Variants in KIF26A observed in about 807,000 individuals in gnomAD.
KIF26A encodes the protein kinesin-like protein KIF26A.
In KIF26A, 74 loss-of-function variants were observed where a neutral mutation model predicts 126.0. The observed-to-expected ratio is 0.59, with a 90% confidence interval of 0.49 to 0.71. KIF26A has a LOEUF of 0.71. Ranked by LOEUF, KIF26A falls within the 30% of genes least tolerant of loss-of-function variation. KIF26A has a pLI of 0.00. For synonymous variants in KIF26A, 1,445 were observed against 1,232.7 expected (o/e 1.17, Z -3.61); for missense variants, 2,984 against 2,763.3 (o/e 1.08, Z -1.79).
rs1318201590 is a variant in KIF26A, at chr14:104,177,601, A to T, written c.4813A>T (p.Thr1605Ser). Reference sequence around the variant, plus strand: ...GAACGTGGGGGAGGAGCGGCCACCCACGGGCCCGGCCCTGCCCTCCCCCTA... The same window carrying T: ...GAACGTGGGGGAGGAGCGGCCACCCTCGGGCCCGGCCCTGCCCTCCCCCTA... ...GVNVGEERPP[T>S]GPALPSPYSK... is the part of the protein sequence containing the mutation. Residue 1605 changes from threonine (T) to serine (S), a missense_variant, in exon 12 of 15, where the codon ACG becomes TCG. Coordinates refer to ENST00000423312, the MANE Select transcript of KIF26A (RefSeq NM_015656.2). 3.3e-6 allele frequency: 5 copies of T among 1,530,546 alleles called. No individual in the cohort carries two copies. The highest frequency in any genetic ancestry group is 4.4e-6 in the Non-Finnish European group (5 of 1,143,432). The allele number at this position is 1,530,546 out of a possible 1,614,324, so 94.8% of individuals were successfully genotyped here. A position where few individuals can be genotyped will look rare whatever the true frequency, so the allele number is the denominator to read the frequency against.
In KIF26A at chr14:104,157,949, C is replaced by T. The variant is rs760060714; in HGVS notation, c.923+7C>T. Reference sequence around the variant, plus strand: ...CAGCCTCCTTCTTCATAAGGTATGTCCTGGGGCTTCCTGGGCAGCCTTGTG... The same window carrying T: ...CAGCCTCCTTCTTCATAAGGTATGTTCTGGGGCTTCCTGGGCAGCCTTGTG... On this transcript the variant is annotated splice_region_variant and intron_variant, in intron 4 of 14. Transcript: ENST00000423312. The T allele has an allele frequency of 4.0e-6, 6 of 1,486,004 alleles. No individual in the cohort carries two copies. The highest frequency in any genetic ancestry group is 4.8e-5 in the Admixed American group (2 of 41,668). 92.1% of individuals were successfully genotyped at this position (1,486,004 alleles called of 1,614,324 possible). A position where few individuals can be genotyped will look rare whatever the true frequency, so the allele number is the denominator to read the frequency against.
In KIF26A at chr14:104,173,797, G is replaced by T; in HGVS notation, c.1959G>T (p.Leu653=). ...CCGGGGAGGCTGCTGGGGGTCCCCT[G>T]TGTCTGTCCCTGTCGGCCCTGGGCA... is the stretch of plus-strand genomic sequence containing the variant. ...GRAGEAAGGP[L]CLSLSALGSV... Residue 653 remains leucine, a synonymous_variant, in exon 10 of 15, where the codon CTG becomes CTT. Coordinates refer to ENST00000423312, the MANE Select transcript of KIF26A (RefSeq NM_015656.2). 1.2e-6 allele frequency: 2 copies of T among 1,606,118 alleles called. No homozygotes were observed. The highest frequency in any genetic ancestry group is 8.5e-7 in the Non-Finnish European group (1 of 1,179,498).
intron 3 of KIF26A, among the ~76,000 whole-genome samples, chr14:104,157,476 C>T (rs2037790695): frequency 6.6e-6 from 1 of 152,122 alleles, no homozygotes; most frequent in Non-Finnish European, 1.5e-5. Context: ...CATCTGCCTC[C>T]CTCTCTGCCT....
Position 104,176,387 on chromosome 14 carries a change from C to T in KIF26A, c.3599C>T (p.Ala1200Val), listed in dbSNP as rs1006065249. 5 of 1,586,672 alleles carry T rather than the reference C, an allele frequency of 3.2e-6. No homozygotes were observed. In the African/African-American group the frequency reaches 5.4e-5, roughly 17 times the overall value. Residue 1200 changes from alanine (A) to valine (V), a missense_variant, in exon 12 of 15, where the codon GCA (alanine) becomes GTA (valine). Ala to Val is a moderately conservative substitution (Grantham distance 64). Transcript: ENST00000423312. Reference sequence around the variant, plus strand: ...CCCCAGGCCGGGCCCTCGCGGTGGGCATCCGCAGCCCAGACCATCCACTCC... The same window carrying T: ...CCCCAGGCCGGGCCCTCGCGGTGGGTATCCGCAGCCCAGACCATCCACTCC... ...REPQAGPSRW[A>V]SAAQTIHSSL...
rs1566860790 is a variant in KIF26A at position 104,165,439 on chromosome 14, C to CGTGTGTGTGTGTGTG, written c.924-1420_924-1419insGTGTGTGTGTGTGTG. 1.0e-4 allele frequency among the ~76,000 whole-genome samples: 15 copies of CGTGTGTGTGTGTGTG among 144,836 alleles called. 2 individuals are homozygous for CGTGTGTGTGTGTGTG. Among genetic ancestry groups the CGTGTGTGTGTGTGTG allele is most frequent in the African/African-American group, 4.1e-4 (15 of 36,304 alleles). On this transcript the variant is annotated intron_variant, in intron 4 of 14. Coordinates refer to ENST00000423312, the MANE Select transcript of KIF26A (RefSeq NM_015656.2). ...TCTCTGTATGCGTGTGTGTCTGTCTCTGTGTGTGTTTCTGTATGCGTGTGT... is the reference window on the plus strand; with the variant it reads ...TCTCTGTATGCGTGTGTGTCTGTCTCGTGTGTGTGTGTGTGTGTGTGTGTTTCTGTATGCGTGTGT...
intron 4 of KIF26A, among the ~76,000 whole-genome samples, chr14:104,165,985 C>G (rs555067811): frequency 6.6e-6 from 1 of 152,136 alleles, no homozygotes; most frequent in African/African-American, 2.4e-5. Context: ...TCCTGTGGTC[C>G]GGGGGCTTTG....
intron 4 of KIF26A, among the ~76,000 whole-genome samples, chr14:104,158,757 G>C (rs1484114443): frequency 6.6e-6 from 1 of 152,210 alleles, no homozygotes; most frequent in African/African-American, 2.4e-5. Flanking sequence ...GGGGGAGTTG[G>C]CATGGAGGGG....
At chr14:104,162,250 C>T (rs2037840069) in intron 4 of KIF26A, among the ~76,000 whole-genome samples, 2 of 152,180 alleles carry the variant, frequency 1.3e-5, no homozygotes, top group Non-Finnish European at 2.9e-5. Context: ...GGAGGAGGCG[C>T]CTCAAGTTAG....
In KIF26A at chr14:104,176,786, C is replaced by T. The variant is rs558511310; in HGVS notation, c.3998C>T (p.Ser1333Leu). 2.7e-5 allele frequency: 42 copies of T among 1,572,324 alleles called. No homozygotes were observed. Among genetic ancestry groups the T allele is most frequent in the Middle Eastern group, 1.7e-4 (1 of 5,936 alleles). ...GCTCCCACGGAGGTGGTGGCCTGCT[C>T]GGGGAGCCTGAAGGCCTCCCCCACC... The part of the protein sequence containing the change: ...GDAPTEVVAC[S>L]GSLKASPTSK... Residue 1333 changes from serine (S) to leucine (L), a missense_variant, in exon 12 of 15, where the codon TCG (serine) becomes TTG (leucine). By Grantham distance (145) the Ser-to-Leu change is moderately radical. Coordinates refer to ENST00000423312, the MANE Select transcript of KIF26A (RefSeq NM_015656.2).
chr14:104,172,580 A>T lies in KIF26A; in HGVS notation c.1332A>T (p.Glu444Asp). The T allele has an allele frequency of 6.2e-6, 10 of 1,612,380 alleles. No homozygotes were observed. Among genetic ancestry groups the T allele is most frequent in the Non-Finnish European group, 8.5e-6 (10 of 1,179,340 alleles). The change falls in exon 7 of 15, where the codon GAA (glutamate) becomes GAT (aspartate). Residue 444 changes from glutamate to aspartate, a missense_variant. Coordinates refer to ENST00000423312, the MANE Select transcript of KIF26A (RefSeq NM_015656.2). ...TGATTCTCTTGCCCCCCTAGGCCGA[A>T]GTCTGCTCGGGGACCGTGGCCGACG... Reference protein sequence around the residue: ...AVFPQDSEQAEVCSGTVADVL... With the variant: ...AVFPQDSEQADVCSGTVADVL...
intron 4 of KIF26A, among the ~76,000 whole-genome samples, chr14:104,163,292 G>A (rs2037849721): frequency 6.6e-6 from 1 of 152,348 alleles, no homozygotes; most frequent in Non-Finnish European, 1.5e-5. Flanking sequence ...TCACTTTGAG[G>A]TTTGGGTTGT....
chr14:104,151,978 A>T lies in KIF26A; in HGVS notation c.289-37A>T, dbSNP rs761001814. On this transcript the variant is annotated intron_variant, in intron 2 of 14. Transcript: ENST00000423312. This position sits in a 1 kb window ranked among gnomAD's most constrained non-coding sequence, Gnocchi z 4.9. Reference sequence around the variant, plus strand: ...CTCTGGGTGCCGGCCCTCCCTCCCCAGGCACTGACCCTGCCTTTGTCCCTT... The same window carrying T: ...CTCTGGGTGCCGGCCCTCCCTCCCCTGGCACTGACCCTGCCTTTGTCCCTT... The T allele has an allele frequency of 6.9e-6, 11 of 1,599,014 alleles. No homozygotes were observed. The highest frequency in any genetic ancestry group is 7.7e-6 in the Non-Finnish European group (9 of 1,167,936).
rs1345621849 is a variant in KIF26A at position 104,177,518 on chromosome 14, G to A, written c.4730G>A (p.Gly1577Asp). ...GAGCTGTCAGCCAGTGGAGCCCCGG[G>A]CCGAGGTGGCTCCTCGTGGGGCTCG... ...VHELSASGAP[G>D]RGGSSWGSAD... Residue 1577 changes from glycine to aspartate, a missense_variant, in exon 12 of 15, where the codon GGC becomes GAC. Physicochemically the swap from Gly to Asp is moderately conservative, Grantham distance 94. Coordinates refer to ENST00000423312, the MANE Select transcript of KIF26A (RefSeq NM_015656.2). 10 of 1,535,848 alleles carry A rather than the reference G, an allele frequency of 6.5e-6. No homozygotes were observed. The highest frequency in any genetic ancestry group is 8.7e-6 in the Non-Finnish European group (10 of 1,146,532).
intron 11 of KIF26A, 113 bp downstream of exon 11, chr14:104,174,423 G>A: frequency 1.8e-6 from 2 of 1,107,188 alleles, no homozygotes; most frequent in Non-Finnish European, 2.5e-6. Context: ...TGGAGCCTGG[G>A]TAGATGTCCT....
At chr14:104,140,024 CG>C (rs964398032) in intron 2 of KIF26A, among the ~76,000 whole-genome samples, 4 of 152,004 alleles carry the variant, frequency 2.6e-5, no homozygotes, top group Non-Finnish European at 5.9e-5. Context: ...AGGCTGGGGG[CG>C]GGTGGGGGTC....
intron 5 of KIF26A, 82 bp from the exon 6 acceptor site, chr14:104,171,641 C>T (rs1367399451): frequency 1.6e-6 from 2 of 1,253,556 alleles, no homozygotes; most frequent in African/African-American, 3.0e-5. Flanking sequence ...CTGTCCCCAC[C>T]TGAGCTGGGC....
intron 5 of KIF26A, among the ~76,000 whole-genome samples, chr14:104,167,974 G>A (rs1193888382): frequency 6.6e-6 from 1 of 152,182 alleles, no homozygotes; most frequent in Admixed American, 6.5e-5. Context: ...TGGAGGGGAC[G>A]CTGTGCCCAC....
Position 104,157,771 on chromosome 14 carries a change from C to T in KIF26A, c.752C>T (p.Ala251Val). ...TCCCTCCAGGCCGAGGCAGCGGTGGCGGCCGTGGCGGTGGCAGACACGGTC... is the reference window on the plus strand; with the variant it reads ...TCCCTCCAGGCCGAGGCAGCGGTGGTGGCCGTGGCGGTGGCAGACACGGTC... ...PPACLAEAAV[A>V]AVAVADTVRE... is the part of the protein sequence containing the mutation. Residue 251 changes from alanine to valine, a missense_variant, in exon 4 of 15, where the codon GCG becomes GTG. Coordinates refer to ENST00000423312, the MANE Select transcript of KIF26A (RefSeq NM_015656.2). 6 of 1,610,314 alleles carry T rather than the reference C, an allele frequency of 3.7e-6. No homozygotes were observed. The highest frequency in any genetic ancestry group is 1.1e-5 in the South Asian group (1 of 90,820).
rs538555518 is a variant in KIF26A, at chr14:104,175,090, C to T, written c.2302C>T (p.Arg768Cys). ...HPRTVALDPDRTPPCLPGDPD... is the reference protein window; with the variant it reads ...HPRTVALDPDCTPPCLPGDPD... ...ACGCACTGTGGCCCTGGACCCCGAC[C>T]GCACGCCTCCCTGCCTGCCCGGTGA... The change falls in exon 12 of 15, where the codon CGC (arginine) becomes TGC (cysteine). Residue 768 changes from arginine (R) to cysteine (C), a missense_variant. Coordinates refer to ENST00000423312, the MANE Select transcript of KIF26A (RefSeq NM_015656.2). The T allele has an allele frequency of 4.8e-5, 77 of 1,599,694 alleles. No homozygotes were observed. The highest frequency in any genetic ancestry group is 3.3e-4 in the Middle Eastern group (2 of 6,054).
Sources: gnomAD v4.1 joint callset for allele counts (sites outside exome capture counted in the v4.1 genomes callset) on GRCh38, gnomAD v4.1.1 for gene constraint, Gnocchi (gnomAD v3.1) non-coding constraint, MANE v1.5 for transcripts, NCBI Gene and HGNC (gene_info 2026-07-23, HGNC 2026-07-21) for gene names.